The following EPHB2 variants were observed in gnomAD, a reference collection of about 807,000 sequenced individuals.
EPHB2 encodes the protein EPH receptor B2.
A neutral mutation model predicts 96.4 loss-of-function variants in EPHB2; 18 were observed. The observed-to-expected ratio is 0.19, with a 90% confidence interval of 0.13 to 0.28. EPHB2 has a LOEUF of 0.28. Among genes scored for constraint, EPHB2 ranks in the 10% least tolerant of loss-of-function variants. EPHB2 has a pLI of 1.00. For missense variants in EPHB2, 989 were observed against 1,355.4 expected (o/e 0.73, Z 4.25); for synonymous variants, 506 against 534.1 (o/e 0.95, Z 0.72).
At chr1:22,725,624 A>G (rs932754497) in intron 1 of EPHB2, among the ~76,000 whole-genome samples, 1 of 152,110 alleles carries the variant, frequency 6.6e-6, no homozygotes, top group African/African-American at 2.4e-5. Context: ...GCCATTGACT[A>G]TGGATTTGCC....
At chr1:22,842,631 C>T (rs1170269329) in intron 3 of EPHB2, among the ~76,000 whole-genome samples, 5 of 152,182 alleles carry the variant, frequency 3.3e-5, no homozygotes, top group Admixed American at 1.3e-4. Context: ...CCTCAGCCTC[C>T]TTTCTGTGGC....
intron 1 of EPHB2, among the ~76,000 whole-genome samples, chr1:22,712,460 A>C (rs1179905719): frequency 1.3e-5 from 2 of 152,208 alleles, no homozygotes; most frequent in Admixed American, 6.5e-5. Flanking sequence ...AGCCTAAGAA[A>C]AAACGCATAT....
At position 22,760,437 on chromosome 1, in the gene EPHB2, G is replaced by A. The variant is rs1644220089; in HGVS notation, c.62-20984G>A. Among the ~76,000 whole-genome samples, 4 of 152,290 alleles carry A rather than the reference G, an allele frequency of 2.6e-5. No individual in the cohort carries two copies. In the South Asian group the frequency reaches 8.3e-4, roughly 32 times the overall value. Reference sequence around the variant, plus strand: ...GTCCCCTGTCTGCAGAGGCAGTCTTGATGACATCTATTTTGGTTTTGCTTC... The same window carrying A: ...GTCCCCTGTCTGCAGAGGCAGTCTTAATGACATCTATTTTGGTTTTGCTTC... On this transcript the variant is annotated intron_variant, in intron 1 of 15. Transcript: ENST00000374630.
chr1:22,912,669 G>T, intron 15 of EPHB2, 70 bp downstream of exon 15: 1 of 1,601,358 alleles, frequency 6.2e-7, no homozygotes, highest in Non-Finnish European at 8.5e-7. Context: ...GCCAAGTGGG[G>T]TGATCTGGAG....
chr1:22,753,918 G>T (rs2148383424), intron 1 of EPHB2, among the ~76,000 whole-genome samples: 1 of 152,316 alleles, frequency 6.6e-6, no homozygotes, highest in East Asian at 1.9e-4. Context: ...AGCCGGGAGG[G>T]TGCTGGGATT....
At chr1:22,745,955 C>T (rs1643968830) in intron 1 of EPHB2, among the ~76,000 whole-genome samples, 1 of 152,226 alleles carries the variant, frequency 6.6e-6, no homozygotes, top group Non-Finnish European at 1.5e-5. Context: ...TCAGCCTGCA[C>T]AGTGGGGACG....
rs1344556384 is a variant in EPHB2 at position 22,919,120 on chromosome 1, A to T, written c.*5550A>T. On this transcript the variant is annotated 3_prime_UTR_variant, in exon 16 of 16. Transcript: ENST00000374630. ...GGCCCAAGAGTCTCCATTTTTTGACAAGCTCCTCCAGGAGATTCCTCCAGA... is the reference window on the plus strand; with the variant it reads ...GGCCCAAGAGTCTCCATTTTTTGACTAGCTCCTCCAGGAGATTCCTCCAGA... 3 of 152,156 alleles carry T rather than the reference A, an allele frequency of 2.0e-5. No individual in the cohort carries two copies. In the East Asian group the frequency reaches 5.8e-4, roughly 29 times the overall value. 9.4% of individuals were successfully genotyped at this position (152,156 alleles called of 1,614,324 possible). A position where few individuals can be genotyped will look rare whatever the true frequency, so the allele number is the denominator to read the frequency against.
intron 3 of EPHB2, among the ~76,000 whole-genome samples, chr1:22,788,822 T>C (rs1356676394): frequency 6.7e-6 from 1 of 149,594 alleles, no homozygotes; most frequent in Admixed American, 6.7e-5. Flanking sequence ...TGGTGCAGTC[T>C]CAACTCACTG....
chr1:22,749,902 A>G (rs1245625767), intron 1 of EPHB2, among the ~76,000 whole-genome samples: 1 of 97,222 alleles, frequency 1.0e-5, no homozygotes, highest in East Asian at 2.0e-4. Flanking sequence ...AGTTACCCTA[A>G]TCAAGACGTG....
At chr1:22,871,451 C>T (rs1638663007) in intron 5 of EPHB2, among the ~76,000 whole-genome samples, 1 of 152,190 alleles carries the variant, frequency 6.6e-6, no homozygotes, top group Admixed American at 6.5e-5. Flanking sequence ...AGCCCCCATC[C>T]CACATGGCCC....
At chr1:22,813,905 T>C (rs1245997414) in intron 3 of EPHB2, among the ~76,000 whole-genome samples, 1 of 152,140 alleles carries the variant, frequency 6.6e-6, no homozygotes, top group Non-Finnish European at 1.5e-5. Flanking sequence ...CTGGGCACAG[T>C]GACTCACGCC....
chr1:22,712,065 A>G (rs1643164574), intron 1 of EPHB2, among the ~76,000 whole-genome samples: 1 of 152,216 alleles, frequency 6.6e-6, no homozygotes, highest in African/African-American at 2.4e-5. Flanking sequence ...ACTTCGCACT[A>G]TACGCAGCTC....
chr1:22,833,966 A>G (rs1449778981), intron 3 of EPHB2, among the ~76,000 whole-genome samples: 1 of 152,214 alleles, frequency 6.6e-6, no homozygotes, highest in Non-Finnish European at 1.5e-5. Flanking sequence ...ACTTTAAGAC[A>G]AAACAGCATT....
In EPHB2 at chr1:22,723,657, T is replaced by C. The variant is rs2148342627; in HGVS notation, c.61+12614T>C. Among the ~76,000 whole-genome samples the C allele has an allele frequency of 1.3e-5, 2 of 152,348 alleles. 1 individual carries two copies. Among genetic ancestry groups the C allele is most frequent in the South Asian group, 4.1e-4 (2 of 4,822 alleles). On this transcript the variant is annotated intron_variant, in intron 1 of 15. Transcript: ENST00000374630. Reference sequence around the variant, plus strand: ...AACTTTGTAGACTTGCAGAACTGTGTTCAAATCCTAGTCTTTCCACTCACT... The same window carrying C: ...AACTTTGTAGACTTGCAGAACTGTGCTCAAATCCTAGTCTTTCCACTCACT...
In EPHB2 at chr1:22,819,205, G is replaced by GTCTCTCTCTCTCTCTCTCTCTC. The variant is rs71020453; in HGVS notation, c.811+34153_811+34174dup. On this transcript the variant is annotated intron_variant, in intron 3 of 15. Coordinates refer to ENST00000374630, the MANE Select transcript of EPHB2 (RefSeq NM_017449.5). Reference sequence around the variant, plus strand: ...TCCACAGCCTGGTCGCCCAGCAGATGTCTCTCTCTCTCTCTCTCTCTCTCT... The same window carrying GTCTCTCTCTCTCTCTCTCTCTC: ...TCCACAGCCTGGTCGCCCAGCAGATGTCTCTCTCTCTCTCTCTCTCTCTCTCTCTCTCTCTCTCTCTCTCTCT... Among the ~76,000 whole-genome samples, 20 of 103,468 alleles carry GTCTCTCTCTCTCTCTCTCTCTC rather than the reference G, an allele frequency of 1.9e-4. 2 individuals carry two copies. The highest frequency in any genetic ancestry group is 4.4e-4 in the South Asian group (1 of 2,290). The allele number at this position is 103,468 out of a possible 152,430, so 67.9% of individuals were successfully genotyped here. A position where few individuals can be genotyped will look rare whatever the true frequency, so the allele number is the denominator to read the frequency against.
intron 3 of EPHB2, among the ~76,000 whole-genome samples, chr1:22,813,552 C>T (rs1185066053): frequency 1.3e-5 from 2 of 152,202 alleles, no homozygotes; most frequent in Non-Finnish European, 2.9e-5. Context: ...CTGGCAGAGG[C>T]TGTGGAGGGG....
chr1:22,889,294 T>C (rs1639321057), intron 6 of EPHB2, among the ~76,000 whole-genome samples: 2 of 152,248 alleles, frequency 1.3e-5, no homozygotes, highest in South Asian at 2.1e-4. Flanking sequence ...CCGCCTCTCA[T>C]CTCCCTCACA....
At chr1:22,751,367 G>C (rs755397525) in intron 1 of EPHB2, among the ~76,000 whole-genome samples, 1 of 152,188 alleles carries the variant, frequency 6.6e-6, no homozygotes, top group Non-Finnish European at 1.5e-5. Flanking sequence ...GAAGTGTCCC[G>C]GTGCTGTAAC....
intron 3 of EPHB2, among the ~76,000 whole-genome samples, chr1:22,844,911 A>C (rs1271526706): frequency 6.6e-6 from 1 of 152,222 alleles, no homozygotes; most frequent in African/African-American, 2.4e-5. Context: ...CGGGCCCTGG[A>C]ACCAGGCAGC....
Sources: allele counts gnomAD v4.1 joint callset (sites outside exome capture counted in the v4.1 genomes callset), GRCh38; gene constraint gnomAD v4.1.1; transcripts MANE v1.5; gene names NCBI Gene and HGNC (gene_info 2026-07-23, HGNC 2026-07-21).